The following NECTIN2 variants were observed in gnomAD, a reference collection of about 807,000 sequenced individuals.
NECTIN2 encodes the protein nectin cell adhesion molecule 2, also known as nectin-2.
Under a neutral mutation model 56.9 loss-of-function variants are expected in NECTIN2, and 23 were observed. That is an observed-to-expected ratio of 0.40 (90% CI 0.29 to 0.57). The LOEUF is 0.57. Ranked by LOEUF, NECTIN2 falls within the 20% of genes least tolerant of loss-of-function variation. The pLI is 0.38. For synonymous variants in NECTIN2, 302 were observed against 313.8 expected (o/e 0.96, Z 0.40); for missense variants, 587 against 718.3 (o/e 0.82, Z 2.09).
Position 44,871,896 on chromosome 19 carries a change from C to T in NECTIN2, c.522C>T (p.Ser174=). The T allele has an allele frequency of 6.2e-7, 1 of 1,614,154 alleles. No homozygotes were observed. Among genetic ancestry groups the T allele is most frequent in the East Asian group, 2.2e-5 (1 of 44,868 alleles). ...NQAEAQKVTF[S]QDPTTVALCI... ...CTGAGGCCCAGAAGGTCACGTTCAGCCAGGACCCTACGACAGTGGCCCTCT... is the reference window on the plus strand; with the variant it reads ...CTGAGGCCCAGAAGGTCACGTTCAGTCAGGACCCTACGACAGTGGCCCTCT... Residue 174 remains serine (S), a synonymous_variant, in exon 3 of 9, where the codon AGC becomes AGT. Coordinates refer to ENST00000252483, the MANE Select transcript of NECTIN2 (RefSeq NM_001042724.2).
In NECTIN2 at chr19:44,874,256, G is replaced by A; in HGVS notation, c.894-74G>A. The stretch of plus-strand genomic sequence containing the variant: ...CCCTGGAGCTTGGCTCCTGGTGGGT[G>A]TATCTTTAGGGATGAGGCCTGTGCT... On this transcript the variant is annotated intron_variant, in intron 4 of 8. Coordinates refer to ENST00000252483, the MANE Select transcript of NECTIN2 (RefSeq NM_001042724.2). The surrounding 1 kb of genome is among the most constrained non-coding windows in gnomAD (Gnocchi z 6.3). 6.5e-7 allele frequency: 1 copy of A among 1,538,156 alleles called. No homozygotes were observed. The highest frequency in any genetic ancestry group is 9.0e-7 in the Non-Finnish European group (1 of 1,115,116).
intron 6 of NECTIN2, among the ~76,000 whole-genome samples, chr19:44,883,585 CT>C (rs2122712178): frequency 6.6e-6 from 1 of 152,312 alleles, no homozygotes; most frequent in Non-Finnish European, 1.5e-5. Flanking sequence ...AATGCCAGCA[CT>C]TTGGAAGGCC....
At chr19:44,860,432 C>T (rs897466048) in intron 1 of NECTIN2, among the ~76,000 whole-genome samples, 10 of 152,016 alleles carry the variant, frequency 6.6e-5, no homozygotes, top group African/African-American at 9.7e-5. Flanking sequence ...AGGATCACTT[C>T]GGCCCCAGAG....
chr19:44,888,362 C>T lies in NECTIN2; in HGVS notation c.1600C>T (p.Arg534Trp), dbSNP rs201399507. The part of the protein sequence containing the change: ...SYQGKGFVMS[R>W]AMYV ...CCAGGGCAAAGGCTTTGTCATGTCC[C>T]GGGCCATGTATGTGTGAGCTGCCAT... Residue 534 changes from arginine (R) to tryptophan (W), a missense_variant, in exon 9 of 9, where the codon CGG becomes TGG. Arg to Trp is a moderately radical substitution (Grantham distance 101). Transcript: ENST00000252483. 20 of 1,612,446 alleles carry T rather than the reference C, an allele frequency of 1.2e-5. No homozygotes were observed. In the Admixed American group the frequency reaches 1.3e-4, roughly 11 times the overall value.
At position 44,846,486 on chromosome 19, in the gene NECTIN2, G is replaced by A; in HGVS notation, c.-40G>A. ...CCGATCGGCCCCCACAGAGTGGCCC[G>A]CGGGCCTCCGGCCGGGCCCAGTCCC... On this transcript the variant is annotated 5_prime_UTR_variant, in exon 1 of 9. Transcript: ENST00000252483. 1.4e-6 allele frequency: 2 copies of A among 1,422,398 alleles called. No individual in the cohort carries two copies. The highest frequency in any genetic ancestry group is 1.8e-6 in the Non-Finnish European group (2 of 1,098,460). 88.1% of individuals were successfully genotyped at this position (1,422,398 alleles called of 1,614,324 possible).
At chr19:44,864,021 C>CA (rs1555786377) in intron 1 of NECTIN2, among the ~76,000 whole-genome samples, 1 of 151,236 alleles carries the variant, frequency 6.6e-6, no homozygotes, top group Non-Finnish European at 1.5e-5. Context: ...TTCCCCCCCC[C>CA]CAAAAAAAAA....
At chr19:44,887,082 G>A (rs778816313) in intron 8 of NECTIN2, among the ~76,000 whole-genome samples, 7 of 152,102 alleles carry the variant, frequency 4.6e-5, no homozygotes, top group Non-Finnish European at 7.4e-5. Flanking sequence ...AGGCATGGTG[G>A]CTCACACCTG....
chr19:44,882,637 A>C (rs936320104), intron 6 of NECTIN2, among the ~76,000 whole-genome samples: 1 of 139,254 alleles, frequency 7.2e-6, no homozygotes, highest in Non-Finnish European at 1.5e-5. Context: ...CGATCGTTTG[A>C]GCCCAGGAAT....
Position 44,874,192 on chromosome 19 carries a change from TGCATTTTG to T in NECTIN2, c.894-134_894-127del. The T allele has an allele frequency of 7.8e-7, 1 of 1,285,206 alleles. No individual in the cohort carries two copies. The highest frequency in any genetic ancestry group is 1.5e-5 in the African/African-American group (1 of 67,630). 79.6% of individuals were successfully genotyped at this position (1,285,206 alleles called of 1,614,324 possible). Reference sequence around the variant, plus strand: ...TAAGTCCTCCAGGATGAAGGGAGCTTGCATTTTGGCAATTTGGGGTCTCCGGGAGTACT... The same window carrying T: ...TAAGTCCTCCAGGATGAAGGGAGCTTGCAATTTGGGGTCTCCGGGAGTACT... On this transcript the variant is annotated intron_variant, in intron 4 of 8. Coordinates refer to ENST00000252483, the MANE Select transcript of NECTIN2 (RefSeq NM_001042724.2). The surrounding 1 kb of genome is among the most constrained non-coding windows in gnomAD (Gnocchi z 6.3).
intron 5 of NECTIN2, among the ~76,000 whole-genome samples, chr19:44,877,241 G>C (rs535847979): frequency 6.6e-6 from 1 of 152,246 alleles, no homozygotes; most frequent in South Asian, 2.1e-4. Context: ...GTGGGGTCAG[G>C]TGTGGGTGAA....
At chr19:44,846,877 TC>T (rs1234988713) in intron 1 of NECTIN2, among the ~76,000 whole-genome samples, 15 of 151,216 alleles carry the variant, frequency 9.9e-5, no homozygotes, top group Non-Finnish European at 1.9e-4. Flanking sequence ...TGCTTGTCTG[TC>T]CCCCTCCCCA....
chr19:44,848,522 C>T (rs1468487074), intron 1 of NECTIN2, among the ~76,000 whole-genome samples: 1 of 152,090 alleles, frequency 6.6e-6, no homozygotes, highest in Non-Finnish European at 1.5e-5. Context: ...GCGGACCATC[C>T]GGAAGGCTCC....
At chr19:44,848,813 C>T (rs2122620686) in intron 1 of NECTIN2, among the ~76,000 whole-genome samples, 1 of 152,246 alleles carries the variant, frequency 6.6e-6, no homozygotes, top group Non-Finnish European at 1.5e-5. Context: ...CTCTCTCTCT[C>T]CTCTCCGTCT....
Position 44,871,836 on chromosome 19 carries a change from TCTC to T in NECTIN2, c.479-10_479-8del, listed in dbSNP as rs745722598. 3.4e-4 allele frequency: 545 copies of T among 1,607,238 alleles called. No homozygotes were observed. The highest frequency in any genetic ancestry group is 4.3e-4 in the Non-Finnish European group (511 of 1,174,756). ...TGCCGGTGAGGAGTGACGCACCCCC[TCTC>T]CTCCTCTCCCCAGCCAAGCCCAAGA... On this transcript the variant is annotated splice_polypyrimidine_tract_variant and intron_variant, in intron 2 of 8. Coordinates refer to ENST00000252483, the MANE Select transcript of NECTIN2 (RefSeq NM_001042724.2).
At chr19:44,864,017 C>CT (rs1393855423) in intron 1 of NECTIN2, among the ~76,000 whole-genome samples, 1 of 151,440 alleles carries the variant, frequency 6.6e-6, no homozygotes, top group Non-Finnish European at 1.5e-5. Flanking sequence ...AGGATTCCCC[C>CT]CCCCCAAAAA....
At chr19:44,880,087 C>T (rs545629854) in intron 5 of NECTIN2, among the ~76,000 whole-genome samples, 1 of 152,362 alleles carries the variant, frequency 6.6e-6, no homozygotes, top group South Asian at 2.1e-4. Context: ...TGGAAGCTTC[C>T]TCCTCATCTG....
At chr19:44,851,871 C>A (rs1365037488) in intron 1 of NECTIN2, among the ~76,000 whole-genome samples, 1 of 152,236 alleles carries the variant, frequency 6.6e-6, no homozygotes, top group Non-Finnish European at 1.5e-5. Flanking sequence ...CTTGCCTCCA[C>A]CTGACATGCA....
rs57740346 is a variant in NECTIN2, at chr19:44,862,992, CAAAAA to C, written c.89-2263_89-2259del. Among the ~76,000 whole-genome samples, 338 of 123,096 alleles carry C rather than the reference CAAAAA, an allele frequency of 2.7e-3. 2 individuals are homozygous for C. The highest frequency in any genetic ancestry group is 0.026 in the East Asian group (105 of 3,974). The allele number at this position is 123,096 out of a possible 152,430, so 80.8% of individuals were successfully genotyped here. A position where few individuals can be genotyped will look rare whatever the true frequency, so the allele number is the denominator to read the frequency against. ...TGAAACCCCGTCTCTACTAAAAATA[CAAAAA>C]AAAAAAAAAAAAAAATTAGCCGGGC... is the stretch of plus-strand genomic sequence containing the variant. On this transcript the variant is annotated intron_variant, in intron 1 of 8. Transcript: ENST00000252483.
At chr19:44,877,261 C>A (rs188552626) in intron 5 of NECTIN2, among the ~76,000 whole-genome samples, 2 of 152,222 alleles carry the variant, frequency 1.3e-5, no homozygotes, top group Non-Finnish European at 1.5e-5. Context: ...ACCCCCCACC[C>A]CCGTCTGTCC....
Sources: allele counts gnomAD v4.1 joint callset (sites outside exome capture counted in the v4.1 genomes callset), GRCh38; gene constraint gnomAD v4.1.1; non-coding constraint Gnocchi (gnomAD v3.1); transcripts MANE v1.5; gene names NCBI Gene and HGNC (gene_info 2026-07-23, HGNC 2026-07-21).